Variants in COL9A1 observed in about 807,000 individuals in gnomAD.
The protein encoded by COL9A1 is collagen type IX alpha 1 chain.
In COL9A1, 104 loss-of-function variants were observed where a neutral mutation model predicts 142.6. The observed-to-expected ratio is 0.73, with a 90% CI of 0.62 to 0.86. The LOEUF is 0.86. Among genes scored for constraint, COL9A1 ranks in the 40% least tolerant of loss-of-function variants. The probability of loss-of-function intolerance (pLI) is 0.00; values close to 1 mark genes in which losing one functional copy is unlikely to be tolerated. For missense variants in COL9A1, 1,210 were observed against 1,176.6 expected (o/e 1.03, Z -0.42); for synonymous variants, 466 against 396.0 (o/e 1.18, Z -2.10).
At chr6:70,267,327 G>GTTTTTTTGTTT (rs1554241915) in intron 17 of COL9A1, among the ~76,000 whole-genome samples, 17 of 127,032 alleles carry the variant, frequency 1.3e-4, no homozygotes, top group Non-Finnish European at 2.3e-4. Context: ...TGGTTTTTTT[G>GTTTTTTTGTTT]TTTTTTTTTT....
Position 70,256,867 on chromosome 6 carries a change from A to G in COL9A1, c.1450-46T>C, listed in dbSNP as rs552112957. ...GGAAAAAAACTGAGATCAGTCATGT[A>G]TGTTAAAGGAAGCATCCATCTTTCT... On this transcript the variant is annotated intron_variant, in intron 20 of 37. Transcript: ENST00000357250. 11 of 1,567,722 alleles carry G rather than the reference A, an allele frequency of 7.0e-6. No individual in the cohort carries two copies. The African/African-American group carries it at 1.5e-4, about 21-fold the overall frequency.
chr6:70,279,904 C>T, intron 10 of COL9A1: 1 of 534,792 alleles, frequency 1.9e-6, no homozygotes. Context: ...TTGGAAAACA[C>T]ATAAAGTGGT....
At position 70,257,048 on chromosome 6, in the gene COL9A1, A is replaced by AATTTTTTTTTTTTTTT. The variant is rs1562307548; in HGVS notation, c.1450-228_1450-227insAAAAAAAAAAAAAAAT. On this transcript the variant is annotated intron_variant, in intron 20 of 37. Transcript: ENST00000357250. ...ACACAATCTTTGATGCCACTCTGTA[A>AATTTTTTTTTTTTTTT]TTTTTTTTTTTTTTTTTTTTTTTTT... is the stretch of plus-strand genomic sequence containing the variant. Among the ~76,000 whole-genome samples, 3 of 105,018 alleles carry AATTTTTTTTTTTTTTT rather than the reference A, an allele frequency of 2.9e-5. 1 individual carries two copies. 68.9% of individuals were successfully genotyped at this position (105,018 alleles called of 152,430 possible). A position where few individuals can be genotyped will look rare whatever the true frequency, so the allele number is the denominator to read the frequency against.
At chr6:70,254,929 C>T (rs769425415) in intron 24 of COL9A1, 34 bp downstream of exon 24, 6 of 1,601,590 alleles carry the variant, frequency 3.7e-6, no homozygotes, top group Non-Finnish European at 5.1e-6. Context: ...CAGAGACAGC[C>T]CCACTCACTC....
intron 28 of COL9A1, among the ~76,000 whole-genome samples, chr6:70,249,090 G>A (rs1770774604): frequency 6.6e-6 from 1 of 151,794 alleles, no homozygotes; most frequent in Admixed American, 6.6e-5. Context: ...CACAAGATCT[G>A]AGTAAAGCCG....
chr6:70,252,039 G>A, intron 28 of COL9A1, 81 bp downstream of exon 28: 1 of 1,389,966 alleles, frequency 7.2e-7, no homozygotes, highest in Non-Finnish European at 1.0e-6. Flanking sequence ...AGCATTCATG[G>A]ATAGATGGAT....
chr6:70,281,663 C>T (rs775405077), intron 7 of COL9A1, among the ~76,000 whole-genome samples, 199 bp from the exon 8 acceptor site: 4 of 152,138 alleles, frequency 2.6e-5, no homozygotes, highest in Non-Finnish European at 5.9e-5. Context: ...ATGAGCTAAA[C>T]TGTGGGGCTA....
rs745532481 is a variant in COL9A1, at chr6:70,260,695, G to A, written c.1411C>T (p.Arg471Ter). The A allele has an allele frequency of 3.7e-6, 6 of 1,613,420 alleles. No homozygotes were observed. The Admixed American group carries it at 5.0e-5, about 13-fold the overall frequency. Residue 471 changes from arginine (R) to a stop codon, truncating the protein, a stop_gained, in exon 20 of 38, where the codon CGA becomes TGA. Coordinates refer to ENST00000357250, the MANE Select transcript of COL9A1 (RefSeq NM_001851.6). LOFTEE classifies it high-confidence loss of function. ...TCCCCAACTATGCCGGTGATGCCTC[G>A]CAAACCCTGGGCTCCCTGGAAATGT... is the stretch of plus-strand genomic sequence containing the variant. ...AQGPPGAQGL[R>*]GITGIVGDKG...
At chr6:70,270,892 A>G (rs193010935) in intron 14 of COL9A1, among the ~76,000 whole-genome samples, 1 of 152,362 alleles carries the variant, frequency 6.6e-6, no homozygotes, top group East Asian at 1.9e-4. Flanking sequence ...AAAGAAAGCT[A>G]CATCGAAGTA....
chr6:70,270,932 A>G (rs865874376), intron 14 of COL9A1, among the ~76,000 whole-genome samples: 2 of 152,246 alleles, frequency 1.3e-5, no homozygotes, highest in South Asian at 4.1e-4. Context: ...GGTTCCAATT[A>G]CTCTTAACAT....
chr6:70,266,310 C>A (rs1449519257), intron 18 of COL9A1, among the ~76,000 whole-genome samples: 1 of 152,156 alleles, frequency 6.6e-6, no homozygotes, highest in African/African-American at 2.4e-5. Context: ...AAGCCAATTA[C>A]CAACTTCTCT....
intron 10 of COL9A1, among the ~76,000 whole-genome samples, chr6:70,276,551 T>A (rs776695528): frequency 6.6e-6 from 1 of 152,202 alleles, no homozygotes; most frequent in African/African-American, 2.4e-5. Context: ...CTAAATTATG[T>A]CAATCACTGG....
intron 28 of COL9A1, among the ~76,000 whole-genome samples, chr6:70,243,739 G>C (rs538343782): frequency 6.6e-6 from 1 of 152,288 alleles, no homozygotes; most frequent in South Asian, 2.1e-4. Flanking sequence ...TATTGGCCAG[G>C]CTGGTCTTGA....
At chr6:70,249,923 T>C (rs1418149367) in intron 28 of COL9A1, among the ~76,000 whole-genome samples, 1 of 152,138 alleles carries the variant, frequency 6.6e-6, no homozygotes, top group Non-Finnish European at 1.5e-5. Flanking sequence ...CAACAAGTGC[T>C]CAGTCAATGT....
At chr6:70,232,803 T>C in intron 35 of COL9A1, 32 bp from the exon 36 acceptor site, 1 of 1,580,658 alleles carries the variant, frequency 6.3e-7, no homozygotes, top group Admixed American at 1.8e-5. Context: ...AACCCAGAAG[T>C]GTCAGAAACA....
chr6:70,285,494 C>T (rs1773414540), intron 5 of COL9A1, among the ~76,000 whole-genome samples: 1 of 152,220 alleles, frequency 6.6e-6, no homozygotes, highest in Non-Finnish European at 1.5e-5. Context: ...TCATTCTTCT[C>T]TTTGAATACT....
chr6:70,302,884 C>A, intron 1 of COL9A1, 27 bp downstream of exon 1: 1 of 1,613,650 alleles, frequency 6.2e-7, no homozygotes, highest in Non-Finnish European at 8.5e-7. Context: ...CATCTCCCCA[C>A]CACTCTTTCC....
chr6:70,233,098 G>A (rs2127558052), intron 35 of COL9A1, among the ~76,000 whole-genome samples: 1 of 152,266 alleles, frequency 6.6e-6, no homozygotes, highest in Non-Finnish European at 1.5e-5. Context: ...CTGGAAGGAT[G>A]TCACCTGAAT....
At chr6:70,254,423 A>G (rs1428308211) in intron 25 of COL9A1, 53 bp downstream of exon 25, 2 of 1,538,702 alleles carry the variant, frequency 1.3e-6, no homozygotes, top group Non-Finnish European at 1.8e-6. Context: ...CAAAATGTAT[A>G]TCTTTAAAAC....
Sources: allele counts gnomAD v4.1 joint callset (sites outside exome capture counted in the v4.1 genomes callset), GRCh38; gene constraint gnomAD v4.1.1; transcripts MANE v1.5; gene names NCBI Gene and HGNC (gene_info 2026-07-23, HGNC 2026-07-21).